Variants in ELOVL5 observed in about 807,000 individuals in gnomAD.
ELOVL5 encodes the protein ELOVL fatty acid elongase 5.
A neutral mutation model predicts 38.6 loss-of-function variants in ELOVL5; 8 were observed. That is an observed-to-expected ratio of 0.21 (90% CI 0.12 to 0.37). The LOEUF is 0.37. ELOVL5 is among the 10% of genes least tolerant of loss of function. ELOVL5 has a pLI of 1.00. For synonymous variants in ELOVL5, 127 were observed against 133.7 expected (o/e 0.95, Z 0.34); for missense variants, 280 against 367.8 (o/e 0.76, Z 1.95).
At chr6:53,290,474 G>T (rs766263364) in intron 3 of ELOVL5, 2 of 152,162 alleles carry the variant, frequency 1.3e-5, no homozygotes, top group African/African-American at 4.8e-5. Context: ...TCACTCCTGT[G>T]CACTTCCCCT....
intron 6 of ELOVL5, among the ~76,000 whole-genome samples, chr6:53,271,516 C>T (rs1246596425): frequency 6.6e-6 from 1 of 152,038 alleles, no homozygotes; most frequent in Non-Finnish European, 1.5e-5. Flanking sequence ...CGCCACTGCA[C>T]TCCAGCCTGG....
At chr6:53,275,890 T>C (rs1182470560) in intron 4 of ELOVL5, among the ~76,000 whole-genome samples, 2 of 152,254 alleles carry the variant, frequency 1.3e-5, no homozygotes, top group Admixed American at 6.5e-5. Flanking sequence ...ATTTAAGACA[T>C]TGCTCTTATG....
At chr6:53,340,238 A>C (rs1769271091) in intron 1 of ELOVL5, among the ~76,000 whole-genome samples, 1 of 151,938 alleles carries the variant, frequency 6.6e-6, no homozygotes, top group South Asian at 2.1e-4. Flanking sequence ...AAAAATATAT[A>C]TTAAAATAAT....
chr6:53,336,706 A>C (rs577515595), intron 1 of ELOVL5, among the ~76,000 whole-genome samples: 5 of 152,286 alleles, frequency 3.3e-5, no homozygotes, highest in East Asian at 3.9e-4. Flanking sequence ...CCTAGACATC[A>C]AAGTTCACCC....
chr6:53,334,484 C>T (rs950740562), intron 1 of ELOVL5, among the ~76,000 whole-genome samples: 2 of 151,940 alleles, frequency 1.3e-5, no homozygotes, highest in Non-Finnish European at 2.9e-5. Context: ...GCACAGAATT[C>T]AAATTGCAGC....
At chr6:53,294,355 A>G in intron 2 of ELOVL5, 1 of 1,572,396 alleles carries the variant, frequency 6.4e-7, no homozygotes, top group Non-Finnish European at 8.6e-7. Flanking sequence ...AGCTCTGGGA[A>G]ACAACTTCTT....
At chr6:53,304,433 C>G (rs1455931250) in intron 1 of ELOVL5, among the ~76,000 whole-genome samples, 1 of 134,736 alleles carries the variant, frequency 7.4e-6, no homozygotes, top group Non-Finnish European at 1.6e-5. Context: ...AACACACACA[C>G]CTCTTTTATT....
chr6:53,280,583 T>C (rs1766312954), intron 3 of ELOVL5, among the ~76,000 whole-genome samples: 1 of 152,210 alleles, frequency 6.6e-6, no homozygotes, highest in South Asian at 2.1e-4. Flanking sequence ...CTGGATGACA[T>C]AATTCATGGA....
At chr6:53,300,313 C>A (rs957082209) in intron 1 of ELOVL5, among the ~76,000 whole-genome samples, 1 of 152,180 alleles carries the variant, frequency 6.6e-6, no homozygotes, top group Non-Finnish European at 1.5e-5. Flanking sequence ...ACCATGTACT[C>A]ATTTTTCATT....
chr6:53,273,393 C>T (rs780609526), intron 5 of ELOVL5, 49 bp from the exon 6 acceptor site: 6 of 1,541,922 alleles, frequency 3.9e-6, no homozygotes, highest in Non-Finnish European at 5.3e-6. Flanking sequence ...GTGTTTTAAA[C>T]AGAACAGGTG....
chr6:53,302,511 G>C (rs1488722122), intron 1 of ELOVL5, among the ~76,000 whole-genome samples: 2 of 152,262 alleles, frequency 1.3e-5, no homozygotes, highest in South Asian at 2.1e-4. Flanking sequence ...GTCTCAAGGA[G>C]AGTGCAAATA....
intron 1 of ELOVL5, among the ~76,000 whole-genome samples, chr6:53,336,307 G>A (rs141870705): frequency 6.6e-6 from 1 of 152,248 alleles, no homozygotes; most frequent in African/African-American, 2.4e-5. Flanking sequence ...AGCTCTGTCC[G>A]ACATGTATGG....
chr6:53,295,685 A>G lies in ELOVL5; in HGVS notation c.15T>C (p.Asp5=). 6.3e-7 allele frequency: 1 copy of G among 1,593,618 alleles called. No individual in the cohort carries two copies. The highest frequency in any genetic ancestry group is 8.5e-7 in the Non-Finnish European group (1 of 1,174,276). The change falls in exon 2 of 8, where the codon GAT becomes GAC. Residue 5 remains aspartate, a synonymous_variant. Coordinates refer to ENST00000304434, the MANE Select transcript of ELOVL5 (RefSeq NM_021814.5). The part of the protein sequence containing the change: MEHF[D]ASLSTYFKAL... ...CCTTGAAATAGGTACTAAGTGATGCATCAAAATGTTCCATTTGAAAACCTA... is the reference window on the plus strand; with the variant it reads ...CCTTGAAATAGGTACTAAGTGATGCGTCAAAATGTTCCATTTGAAAACCTA...
chr6:53,276,043 T>A (rs1446146559), intron 4 of ELOVL5, 136 bp downstream of exon 4: 2 of 613,342 alleles, frequency 3.3e-6, no homozygotes, highest in Non-Finnish European at 5.8e-6. Flanking sequence ...GTGTATATAT[T>A]GCCTTTTTTA....
chr6:53,286,860 CAT>C (rs1766592487), intron 3 of ELOVL5, among the ~76,000 whole-genome samples: 1 of 151,988 alleles, frequency 6.6e-6, no homozygotes, highest in Non-Finnish European at 1.5e-5. Flanking sequence ...GTCATGTATA[CAT>C]ATATATGTAG....
At chr6:53,298,966 A>G (rs1767137578) in intron 1 of ELOVL5, among the ~76,000 whole-genome samples, 1 of 151,934 alleles carries the variant, frequency 6.6e-6, no homozygotes, top group Admixed American at 6.6e-5. Context: ...CCCAAACATG[A>G]AAGACAAAAC....
chr6:53,304,630 C>T (rs1389056410), intron 1 of ELOVL5, among the ~76,000 whole-genome samples: 1 of 152,112 alleles, frequency 6.6e-6, no homozygotes. Flanking sequence ...TGATGACTCT[C>T]AACGAGCATG....
chr6:53,324,270 A>AG lies in ELOVL5; in HGVS notation c.-9+24546_-9+24547insC, dbSNP rs1198460355. On this transcript the variant is annotated intron_variant, in intron 1 of 7. Transcript: ENST00000304434. ...TCTACCTCAAAAAAAAAAAAAAAAAAAAAAAGAAAAAAAAGAAAAGAAAAA... is the reference window on the plus strand; with the variant it reads ...TCTACCTCAAAAAAAAAAAAAAAAAAGAAAAAGAAAAAAAAGAAAAGAAAAA... Among the ~76,000 whole-genome samples, 495 of 139,104 alleles carry AG rather than the reference A, an allele frequency of 3.6e-3. 14 individuals carry two copies. Among genetic ancestry groups the AG allele is most frequent in the African/African-American group, 0.011 (413 of 37,552 alleles). The allele number at this position is 139,104 out of a possible 152,430, so 91.3% of individuals were successfully genotyped here.
chr6:53,302,661 G>A (rs1767305398), intron 1 of ELOVL5, among the ~76,000 whole-genome samples: 1 of 136,168 alleles, frequency 7.3e-6, no homozygotes, highest in Non-Finnish European at 1.7e-5. Context: ...GTAAAGAGTT[G>A]GTATAAGAAT....
Sources: allele counts gnomAD v4.1 joint callset (sites outside exome capture counted in the v4.1 genomes callset), GRCh38; gene constraint gnomAD v4.1.1; transcripts MANE v1.5; gene names NCBI Gene and HGNC (gene_info 2026-07-23, HGNC 2026-07-21).